ATXN7L1: variants seen among roughly 807,000 people sequenced by gnomAD.
The protein encoded by ATXN7L1 is ataxin-7-like protein 1.
A neutral mutation model predicts 70.8 loss-of-function variants in ATXN7L1; 15 were observed. The ratio of observed to expected loss-of-function variants is 0.21; its 90% CI spans 0.14 to 0.33. ATXN7L1 has a LOEUF of 0.33. ATXN7L1 is among the 10% of genes least tolerant of loss of function. ATXN7L1 has a pLI of 1.00. For synonymous variants in ATXN7L1, 440 were observed against 445.1 expected (o/e 0.99, Z 0.14); for missense variants, 975 against 1,097.1 (o/e 0.89, Z 1.57).
chr7:105,647,136 T>C (rs1380813935), intron 4 of ATXN7L1, among the ~76,000 whole-genome samples: 1 of 152,210 alleles, frequency 6.6e-6, no homozygotes, highest in Non-Finnish European at 1.5e-5. Flanking sequence ...TCTGATGTAT[T>C]AATATTTCTT....
chr7:105,660,008 G>A (rs1024420995), intron 4 of ATXN7L1, among the ~76,000 whole-genome samples: 8 of 151,642 alleles, frequency 5.3e-5, no homozygotes, highest in African/African-American at 1.7e-4. Context: ...TTGAGGAAGC[G>A]GCAGGACCAC....
At chr7:105,816,802 G>A (rs572410973) in intron 2 of ATXN7L1, among the ~76,000 whole-genome samples, 1 of 152,374 alleles carries the variant, frequency 6.6e-6, no homozygotes, top group African/African-American at 2.4e-5. Context: ...ACCCTGCAGA[G>A]TGCAGGGAGC....
intron 3 of ATXN7L1, among the ~76,000 whole-genome samples, chr7:105,727,777 T>TATATATATATATATATATATATAC (rs1462125950): frequency 1.1e-5 from 1 of 90,192 alleles, no homozygotes; most frequent in South Asian, 3.9e-4. Flanking sequence ...TATATATATA[T>TATATATATATATATATATATATAC]ACACACACAT....
intron 2 of ATXN7L1, among the ~76,000 whole-genome samples, chr7:105,793,170 TGA>T (rs1312729467): frequency 2.6e-5 from 4 of 152,230 alleles, no homozygotes; most frequent in African/African-American, 9.6e-5. Flanking sequence ...GCTTCCTGGA[TGA>T]CTAACAGGCT....
At chr7:105,875,134 T>C (rs1182429919) in intron 2 of ATXN7L1, 1 of 152,698 alleles carries the variant, frequency 6.5e-6, no homozygotes, top group Non-Finnish European at 1.5e-5. Flanking sequence ...ACCATATGTG[T>C]TTGATGCCCA....
At chr7:105,700,587 T>G (rs1792326780) in intron 3 of ATXN7L1, among the ~76,000 whole-genome samples, 1 of 150,564 alleles carries the variant, frequency 6.6e-6, no homozygotes, top group Non-Finnish European at 1.5e-5. Context: ...TCTGAGCCCC[T>G]GTGTATGAGG....
intron 3 of ATXN7L1, among the ~76,000 whole-genome samples, chr7:105,674,241 C>G (rs998893400): frequency 3.3e-5 from 5 of 152,186 alleles, no homozygotes; most frequent in African/African-American, 1.2e-4. Flanking sequence ...ACTGTTCACA[C>G]CAACACCAGC....
At chr7:105,712,817 C>T (rs929896097) in intron 3 of ATXN7L1, among the ~76,000 whole-genome samples, 1 of 152,252 alleles carries the variant, frequency 6.6e-6, no homozygotes, top group Non-Finnish European at 1.5e-5. Context: ...GCCCTCCAAA[C>T]TGTTCCAACC....
intron 4 of ATXN7L1, among the ~76,000 whole-genome samples, chr7:105,648,130 T>C (rs1330226514): frequency 1.3e-5 from 2 of 152,190 alleles, no homozygotes; most frequent in African/African-American, 4.8e-5. Flanking sequence ...TGAACACCTC[T>C]GATGTGAGGT....
At chr7:105,786,784 G>A (rs964165002) in intron 3 of ATXN7L1, among the ~76,000 whole-genome samples, 3 of 152,044 alleles carry the variant, frequency 2.0e-5, no homozygotes, top group East Asian at 1.9e-4. Flanking sequence ...TAAAGTGCTC[G>A]GATTATAAGT....
At chr7:105,859,700 C>A (rs1816270972) in intron 2 of ATXN7L1, among the ~76,000 whole-genome samples, 1 of 151,774 alleles carries the variant, frequency 6.6e-6, no homozygotes, top group South Asian at 2.1e-4. Flanking sequence ...TGCACACCTA[C>A]AAAATCACCT....
chr7:105,688,600 T>TTC (rs372758139), intron 3 of ATXN7L1, among the ~76,000 whole-genome samples: 31 of 151,636 alleles, frequency 2.0e-4, no homozygotes, highest in Admixed American at 2.0e-3. Context: ...AGTCAGGGAA[T>TTC]TCTCTCTCTC....
intron 9 of ATXN7L1, chr7:105,618,158 C>A: frequency 2.4e-6 from 1 of 425,420 alleles, no homozygotes. Context: ...AAATACAGAT[C>A]AACACATTCC....
intron 2 of ATXN7L1, among the ~76,000 whole-genome samples, chr7:105,822,190 C>T (rs762675135): frequency 7.2e-5 from 11 of 152,224 alleles, no homozygotes; most frequent in Non-Finnish European, 1.6e-4. Flanking sequence ...GTAGCTCCAG[C>T]TACTTGGGAG....
At chr7:105,748,812 G>C (rs1054834316) in intron 3 of ATXN7L1, among the ~76,000 whole-genome samples, 8 of 152,230 alleles carry the variant, frequency 5.3e-5, no homozygotes, top group Admixed American at 4.6e-4. Context: ...CCACCCCGGA[G>C]ATAAGGAGAT....
intron 3 of ATXN7L1, among the ~76,000 whole-genome samples, chr7:105,766,340 C>T (rs1332756179): frequency 7.2e-5 from 11 of 152,026 alleles, no homozygotes; most frequent in African/African-American, 2.4e-4. Context: ...GCACCTTTCC[C>T]ACTGACTTTC....
chr7:105,687,118 T>C (rs1249169949), intron 3 of ATXN7L1, among the ~76,000 whole-genome samples: 2 of 152,196 alleles, frequency 1.3e-5, no homozygotes, highest in Non-Finnish European at 2.9e-5. Flanking sequence ...CTTTTAAACA[T>C]ATTCCTATCT....
intron 3 of ATXN7L1, among the ~76,000 whole-genome samples, chr7:105,781,984 C>G (rs905693823): frequency 3.9e-5 from 6 of 152,206 alleles, no homozygotes; most frequent in African/African-American, 1.4e-4. Context: ...GAGCACAACA[C>G]TACGCCTGGC....
chr7:105,698,722 AGT>A (rs1237672859), intron 3 of ATXN7L1, among the ~76,000 whole-genome samples: 1 of 152,158 alleles, frequency 6.6e-6, no homozygotes, highest in Non-Finnish European at 1.5e-5. Context: ...ACTGCATTAC[AGT>A]TTGAAAGATG....
Sources: gnomAD v4.1 joint callset for allele counts (sites outside exome capture counted in the v4.1 genomes callset) on GRCh38, gnomAD v4.1.1 for gene constraint, MANE v1.5 for transcripts, NCBI Gene and HGNC (gene_info 2026-07-23, HGNC 2026-07-21) for gene names.